SDK1: variants seen among roughly 807,000 people sequenced by gnomAD.
SDK1 encodes the protein protein sidekick-1.
SDK1 carries 157 observed loss-of-function variants against 245.5 expected under a neutral mutation model. That is an observed-to-expected ratio of 0.64 (90% CI 0.56 to 0.73). The LOEUF (loss-of-function observed/expected upper bound fraction) is 0.73. Ranked by LOEUF, SDK1 falls within the 30% of genes least tolerant of loss-of-function variation. SDK1 has a pLI of 0.00. For missense variants in SDK1, 3,583 were observed against 3,002.3 expected, an observed-to-expected ratio of 1.19 and a Z score of -4.52; for synonymous variants, 1,647 against 1,278.5, an observed-to-expected ratio of 1.29 and a Z score of -6.15.
chr7:3,975,127 C>T (rs78488927), intron 13 of SDK1, among the ~76,000 whole-genome samples: 1,941 of 152,312 alleles, frequency 0.013, 35 homozygotes, highest in African/African-American at 0.043. Context: ...CAATCTCCCC[C>T]GTCTCTGCTC....
At chr7:3,852,141 C>G (rs200346524) in intron 5 of SDK1, among the ~76,000 whole-genome samples, 1 of 149,472 alleles carries the variant, frequency 6.7e-6, no homozygotes, top group African/African-American at 2.5e-5. Context: ...CAGCACCTCG[C>G]GGATAATGAG....
At chr7:3,612,605 TAA>T (rs988130623) in intron 1 of SDK1, among the ~76,000 whole-genome samples, 2 of 152,184 alleles carry the variant, frequency 1.3e-5, no homozygotes, top group Admixed American at 6.5e-5. Flanking sequence ...ATTTGAAAAA[TAA>T]AACTTTTCGC....
Position 3,451,435 on chromosome 7 carries a change from G to C in SDK1, c.298+149551G>C, listed in dbSNP as rs184223591. On this transcript the variant is annotated intron_variant, in intron 1 of 44. Transcript: ENST00000404826. ...AAGGGTACATTCTGAGGAAATGGAG[G>C]GAAGAGAGAGGGTCAGGGGACTTGG... Among the ~76,000 whole-genome samples, 247 of 152,222 alleles carry C rather than the reference G, an allele frequency of 1.6e-3. 1 individual carries two copies. Among genetic ancestry groups the C allele is most frequent in the African/African-American group, 5.5e-3 (230 of 41,540 alleles).
intron 5 of SDK1, among the ~76,000 whole-genome samples, chr7:3,943,095 G>A (rs983468037): frequency 6.6e-6 from 1 of 152,190 alleles, no homozygotes; most frequent in South Asian, 2.1e-4. Flanking sequence ...ATCCAGACAC[G>A]GAAGACAGTG....
rs200511490 is a variant in SDK1, at chr7:4,012,268, G to A, written c.2420+33G>A. On this transcript the variant is annotated intron_variant, in intron 16 of 44. Coordinates refer to ENST00000404826, the MANE Select transcript of SDK1 (RefSeq NM_152744.4). ...CCCTGTGATTGGCCATCTTTAGGCC[G>A]CCATTAGAGTTGAGCGTCGATTTCA... 90 of 1,450,276 alleles carry A rather than the reference G, an allele frequency of 6.2e-5. 1 individual carries two copies. The East Asian group carries it at 1.7e-3, about 27-fold the overall frequency. 89.8% of individuals were successfully genotyped at this position (1,450,276 alleles called of 1,614,324 possible).
At chr7:3,971,685 GATTACGGT>G in intron 12 of SDK1, 117 bp downstream of exon 12, 1 of 758,800 alleles carries the variant, frequency 1.3e-6, no homozygotes, top group Non-Finnish European at 2.3e-6. Context: ...GCAGGTCCCT[GATTACGGT>G]ATCTTCTGGT....
At chr7:3,504,265 C>CGTTGTTGTTGTTGTTGTTGTT (rs369977701) in intron 1 of SDK1, among the ~76,000 whole-genome samples, 2 of 146,544 alleles carry the variant, frequency 1.4e-5, no homozygotes, top group African/African-American at 5.0e-5. Flanking sequence ...CTGTTGTTGT[C>CGTTGTTGTTGTTGTTGTTGTT]GTTGTTGTTG....
At chr7:3,557,917 A>G (rs1240600205) in intron 1 of SDK1, among the ~76,000 whole-genome samples, 1 of 152,170 alleles carries the variant, frequency 6.6e-6, no homozygotes, top group African/African-American at 2.4e-5. Context: ...AGATCATACC[A>G]TATGTAAATA....
At chr7:3,695,919 C>T (rs975193450) in intron 4 of SDK1, among the ~76,000 whole-genome samples, 2 of 152,170 alleles carry the variant, frequency 1.3e-5, no homozygotes, top group Non-Finnish European at 2.9e-5. Flanking sequence ...TTTTACTTTT[C>T]ACTTATTTCG....
Position 4,047,098 on chromosome 7 carries a change from A to G in SDK1, c.2603-2250A>G, listed in dbSNP as rs79681243. Among the ~76,000 whole-genome samples, 1,006 of 152,274 alleles carry G rather than the reference A, an allele frequency of 6.6e-3. 5 individuals are homozygous for G. Among genetic ancestry groups the G allele is most frequent in the African/African-American group, 0.024 (986 of 41,554 alleles). Reference sequence around the variant, plus strand: ...ATTTTATGTTTTTAGAGCTTAAATGAGATATTAGCTGTAGGCGTTTTATAG... The same window carrying G: ...ATTTTATGTTTTTAGAGCTTAAATGGGATATTAGCTGTAGGCGTTTTATAG... On this transcript the variant is annotated intron_variant, in intron 17 of 44. Transcript: ENST00000404826.
intron 4 of SDK1, among the ~76,000 whole-genome samples, chr7:3,667,976 C>A (rs1263331264): frequency 1.3e-5 from 2 of 152,266 alleles, no homozygotes; most frequent in Non-Finnish European, 2.9e-5. Context: ...AGTAGACTTT[C>A]TGGTAAGTGT....
At chr7:3,559,134 A>G (rs1355077096) in intron 1 of SDK1, among the ~76,000 whole-genome samples, 1 of 152,250 alleles carries the variant, frequency 6.6e-6, no homozygotes, top group South Asian at 2.1e-4. Flanking sequence ...TGTAAGTCAG[A>G]TGCTGAACTT....
intron 9 of SDK1, among the ~76,000 whole-genome samples, chr7:3,964,868 C>G (rs1165352374): frequency 1.3e-5 from 2 of 152,138 alleles, no homozygotes; most frequent in African/African-American, 4.8e-5. Flanking sequence ...CTAGGGGTCC[C>G]TTCCTTGAAT....
intron 1 of SDK1, among the ~76,000 whole-genome samples, chr7:3,382,721 T>G (rs993594722): frequency 4.6e-5 from 7 of 152,222 alleles, no homozygotes; most frequent in African/African-American, 1.7e-4. Context: ...AGGAAACGAT[T>G]AGAAATATTG....
At position 4,210,106 on chromosome 7, in the gene SDK1, C is replaced by T. The variant is rs978771727; in HGVS notation, c.5483C>T (p.Ala1828Val). 12 of 1,610,136 alleles carry T rather than the reference C, an allele frequency of 7.5e-6. No individual in the cohort carries two copies. Among genetic ancestry groups the T allele is most frequent in the African/African-American group, 2.7e-5 (2 of 74,758 alleles). The change falls in exon 38 of 45, where the codon GCC becomes GTC. Residue 1828 changes from alanine to valine, a missense_variant. Coordinates refer to ENST00000404826, the MANE Select transcript of SDK1 (RefSeq NM_152744.4). ...GTGTCCTGGGGCGAGCCTGCGGCGG[C>T]CAACGGCATCCTGCAGGGCTATCGG... Reference protein sequence around the residue: ...LNVSWGEPAAANGILQGYRVV... With the variant: ...LNVSWGEPAAVNGILQGYRVV...
chr7:4,133,717 A>G (rs1327119147), intron 28 of SDK1, among the ~76,000 whole-genome samples: 1 of 152,130 alleles, frequency 6.6e-6, no homozygotes, highest in African/African-American at 2.4e-5. Context: ...GTCCTGGAGA[A>G]TGTGGCCCTG....
chr7:4,165,338 A>G (rs1781438447), intron 32 of SDK1, among the ~76,000 whole-genome samples: 1 of 152,040 alleles, frequency 6.6e-6, no homozygotes, highest in East Asian at 1.9e-4. Flanking sequence ...CAGCCTGGGC[A>G]ACAACAGCAA....
intron 5 of SDK1, among the ~76,000 whole-genome samples, chr7:3,913,990 C>T (rs1266460300): frequency 6.6e-6 from 1 of 152,168 alleles, no homozygotes; most frequent in African/African-American, 2.4e-5. Context: ...CCTGATGGTG[C>T]CTGCTTTTCT....
In SDK1 at chr7:3,619,084, T is replaced by C. The variant is rs1781856584; in HGVS notation, c.303T>C (p.Asp101=). The change falls in exon 2 of 45, where the codon GAT becomes GAC. Residue 101 remains aspartate (D), a synonymous_variant. Coordinates refer to ENST00000404826, the MANE Select transcript of SDK1 (RefSeq NM_152744.4). ...LHLLRALAQD[D]VAPYFKTEPG... is the part of the protein sequence containing the mutation. ...TTTTGTTTTTTAATATTTCAGATGA[T>C]GTTGCTCCATATTTTAAAACGGAGC... 6.3e-7 allele frequency: 1 copy of C among 1,594,464 alleles called. No individual in the cohort carries two copies. The highest frequency in any genetic ancestry group is 1.1e-5 in the South Asian group (1 of 89,218).
Sources: gnomAD v4.1 joint callset for allele counts (sites outside exome capture counted in the v4.1 genomes callset) on GRCh38, gnomAD v4.1.1 for gene constraint, MANE v1.5 for transcripts, NCBI Gene and HGNC (gene_info 2026-07-23, HGNC 2026-07-21) for gene names.